Variants in VWA8 observed in about 807,000 individuals in gnomAD.
VWA8 encodes the protein von Willebrand factor A domain-containing protein 8.
Under a neutral mutation model 241.5 loss-of-function variants are expected in VWA8, and 221 were observed. That is an observed-to-expected ratio of 0.91 (90% confidence interval 0.82 to 1.02). The LOEUF (loss-of-function observed/expected upper bound fraction) is 1.02. Among genes scored for constraint, VWA8 ranks in the 50% least tolerant of loss-of-function variants. The probability of loss-of-function intolerance (pLI) is 0.00; values close to 1 mark genes in which losing one functional copy is unlikely to be tolerated. For missense variants in VWA8, 2,322 were observed against 2,328.7 expected (o/e 1.00, Z 0.06); for synonymous variants, 852 against 827.1 (o/e 1.03, Z -0.52).
chr13:41,655,330 C>T (rs183769032), intron 37 of VWA8, among the ~76,000 whole-genome samples: 165 of 152,260 alleles, frequency 1.1e-3, no homozygotes, highest in African/African-American at 3.7e-3. Context: ...GTCAGTTGAT[C>T]CGCCCACTTC....
chr13:41,743,608 T>C (rs1044767201), intron 21 of VWA8, among the ~76,000 whole-genome samples: 16 of 152,236 alleles, frequency 1.1e-4, no homozygotes, highest in Admixed American at 3.9e-4. Flanking sequence ...AAATTAATAA[T>C]TGCTGCCAAA....
rs780509195 is a variant in VWA8 at position 41,570,505 on chromosome 13, C to A, written c.5572G>T (p.Ala1858Ser). 6.8e-6 allele frequency: 11 copies of A among 1,614,152 alleles called. No homozygotes were observed. Among genetic ancestry groups the A allele is most frequent in the Non-Finnish European group, 7.6e-6 (9 of 1,180,022 alleles). Residue 1858 changes from alanine (A) to serine (S), a missense_variant, in exon 44 of 45, where the codon GCC becomes TCC. Coordinates refer to ENST00000379310, the MANE Select transcript of VWA8 (RefSeq NM_015058.2). ...TCACCTAAAGAGCCAATAAAAATGG[C>A]AAAAGCATTTACTTGAGGGTCTCTT... is the stretch of plus-strand genomic sequence containing the variant. ...LTRDPQVNAFAIFIGSLGDQA... is the reference protein window; with the variant it reads ...LTRDPQVNAFSIFIGSLGDQA...
chr13:41,716,762 G>C (rs569441015), intron 26 of VWA8, among the ~76,000 whole-genome samples: 2 of 152,184 alleles, frequency 1.3e-5, no homozygotes, highest in South Asian at 4.1e-4. Flanking sequence ...AGGGCAAAAA[G>C]ATACTAATAG....
At chr13:41,666,551 T>A (rs1208572485) in intron 37 of VWA8, among the ~76,000 whole-genome samples, 1 of 152,130 alleles carries the variant, frequency 6.6e-6, no homozygotes, top group Non-Finnish European at 1.5e-5. Flanking sequence ...TACTTAGGAA[T>A]TTTTCAAGCT....
At chr13:41,711,111 C>T (rs896449138) in intron 26 of VWA8, among the ~76,000 whole-genome samples, 1 of 152,144 alleles carries the variant, frequency 6.6e-6, no homozygotes, top group African/African-American at 2.4e-5. Flanking sequence ...CAAATGAAAA[C>T]ACAATCTCAG....
rs189069082 is a variant in VWA8, at chr13:41,884,052, A to G, written c.976-561T>C. On this transcript the variant is annotated intron_variant, in intron 8 of 44. Transcript: ENST00000379310. ...AAAGATTAGTGAAATTTCAATATGA[A>G]CTATCTATTAGATGATACTATGGAT... 1.5e-3 allele frequency among the ~76,000 whole-genome samples: 230 copies of G among 152,354 alleles called. 2 individuals carry two copies. The highest frequency in any genetic ancestry group is 2.9e-3 in the Non-Finnish European group (196 of 68,032).
intron 21 of VWA8, among the ~76,000 whole-genome samples, chr13:41,745,728 G>A (rs1247342850): frequency 6.6e-6 from 1 of 152,126 alleles, no homozygotes; most frequent in African/African-American, 2.4e-5. Context: ...GAGAGCATGT[G>A]GAGAAATAGG....
intron 20 of VWA8, 79 bp downstream of exon 20, chr13:41,777,906 T>C (rs1868681275): frequency 7.1e-6 from 9 of 1,263,674 alleles, no homozygotes; most frequent in Non-Finnish European, 1.0e-5. Flanking sequence ...AATAACTGAT[T>C]CCAACAAGAA....
intron 37 of VWA8, among the ~76,000 whole-genome samples, chr13:41,635,470 T>G (rs2044750715): frequency 6.6e-6 from 1 of 152,172 alleles, no homozygotes; most frequent in South Asian, 2.1e-4. Context: ...CATACGTAAT[T>G]AAGATAAAGC....
intron 2 of VWA8, among the ~76,000 whole-genome samples, chr13:41,928,973 A>G (rs572460001): frequency 2.6e-5 from 4 of 152,248 alleles, no homozygotes; most frequent in African/African-American, 7.2e-5. Flanking sequence ...GTGAAGATGT[A>G]TATACTATCC....
chr13:41,820,827 C>T (rs557455188), intron 14 of VWA8, among the ~76,000 whole-genome samples: 2 of 152,084 alleles, frequency 1.3e-5, no homozygotes, highest in South Asian at 4.1e-4. Context: ...TTCCATTTTC[C>T]ACTTCTGCTA....
intron 1 of VWA8, among the ~76,000 whole-genome samples, chr13:41,958,451 A>G (rs1414483834): frequency 6.6e-6 from 1 of 152,230 alleles, no homozygotes; most frequent in Non-Finnish European, 1.5e-5. Flanking sequence ...TTAGGAAGCA[A>G]TGTCAATTAC....
At chr13:41,885,785 A>G in intron 8 of VWA8, 135 bp downstream of exon 8, 1 of 667,366 alleles carries the variant, frequency 1.5e-6, no homozygotes, top group Non-Finnish European at 2.5e-6. Flanking sequence ...GCACTGCACA[A>G]CAAATTAATC....
chr13:41,728,816 T>C (rs959108112), intron 23 of VWA8, among the ~76,000 whole-genome samples: 1 of 152,112 alleles, frequency 6.6e-6, no homozygotes, highest in Non-Finnish European at 1.5e-5. Context: ...TCTCCTTACA[T>C]ACTCTCTTTG....
chr13:41,648,954 C>T (rs186075694), intron 37 of VWA8, among the ~76,000 whole-genome samples: 41 of 152,206 alleles, frequency 2.7e-4, no homozygotes, highest in Non-Finnish European at 4.3e-4. Context: ...GAGGCCAAGG[C>T]GGGTGGATCA....
At chr13:41,637,904 C>A (rs1021773238) in intron 37 of VWA8, among the ~76,000 whole-genome samples, 15 of 152,184 alleles carry the variant, frequency 9.9e-5, no homozygotes, top group African/African-American at 3.6e-4. Context: ...CAGTATCATG[C>A]ATGGCAGCAG....
At chr13:41,794,982 A>G (rs1341544191) in intron 17 of VWA8, among the ~76,000 whole-genome samples, 1 of 152,256 alleles carries the variant, frequency 6.6e-6, no homozygotes, top group Non-Finnish European at 1.5e-5. Flanking sequence ...GCTTCTGCAC[A>G]GCAAAAGAAA....
At chr13:41,736,772 C>T (rs970105897) in intron 21 of VWA8, among the ~76,000 whole-genome samples, 6 of 150,484 alleles carry the variant, frequency 4.0e-5, no homozygotes, top group African/African-American at 1.5e-4. Context: ...ACGAGCCAAA[C>T]ATGAGAAAGG....
intron 9 of VWA8, among the ~76,000 whole-genome samples, chr13:41,876,500 C>G (rs908237081): frequency 6.6e-6 from 1 of 152,084 alleles, no homozygotes; most frequent in African/African-American, 2.4e-5. Flanking sequence ...ACCCACAGGA[C>G]TTCTCTCCTT....
Sources: gnomAD v4.1 joint callset for allele counts (sites outside exome capture counted in the v4.1 genomes callset) on GRCh38, gnomAD v4.1.1 for gene constraint, MANE v1.5 for transcripts, NCBI Gene and HGNC (gene_info 2026-07-23, HGNC 2026-07-21) for gene names.